RFFL: variants seen among roughly 807,000 people sequenced by gnomAD.
RFFL encodes the protein E3 ubiquitin-protein ligase rififylin.
Under a neutral mutation model 40.4 loss-of-function variants are expected in RFFL, and 16 were observed. That is an observed-to-expected ratio of 0.40 (90% confidence interval 0.27 to 0.60). RFFL has a LOEUF of 0.60. Ranked by LOEUF, RFFL falls within the 20% of genes least tolerant of loss-of-function variation. RFFL has a pLI of 0.47. For synonymous variants in RFFL, 154 were observed against 167.9 expected (o/e 0.92, Z 0.64); for missense variants, 367 against 451.7 (o/e 0.81, Z 1.70).
intron 1 of RFFL, among the ~76,000 whole-genome samples, chr17:35,078,243 C>T (rs1680529): frequency 0.66 from 99,585 of 151,908 alleles, 33,988 homozygotes; most frequent in African/African-American, 0.85. Context: ...CTAAAGACTT[C>T]AGGAATAAAA....
intron 1 of RFFL, among the ~76,000 whole-genome samples, chr17:35,061,384 G>A (rs766437948): frequency 3.3e-5 from 5 of 152,138 alleles, no homozygotes; most frequent in Admixed American, 1.3e-4. Flanking sequence ...GGTGGTATCC[G>A]TAATCTTTGA....
chr17:35,033,867 G>A (rs915218491), intron 1 of RFFL, among the ~76,000 whole-genome samples: 1 of 151,784 alleles, frequency 6.6e-6, no homozygotes, highest in Non-Finnish European at 1.5e-5. Flanking sequence ...AATAGGCCAG[G>A]CACAGTGGCT....
At chr17:35,019,548 AT>A (rs1351744160) in intron 3 of RFFL, among the ~76,000 whole-genome samples, 1 of 151,342 alleles carries the variant, frequency 6.6e-6, no homozygotes, top group Non-Finnish European at 1.5e-5. Flanking sequence ...TAATTTTTGT[AT>A]TTTTTGTAGA....
chr17:35,046,129 A>T (rs149120996), intron 1 of RFFL, among the ~76,000 whole-genome samples: 2 of 152,180 alleles, frequency 1.3e-5, no homozygotes, highest in African/African-American at 4.8e-5. Context: ...CTTGAACGAA[A>T]GACTGAAGAG....
chr17:35,031,104 G>A (rs1358302076), intron 1 of RFFL, among the ~76,000 whole-genome samples: 1 of 151,946 alleles, frequency 6.6e-6, no homozygotes, highest in Non-Finnish European at 1.5e-5. Context: ...AAGGTTGTAG[G>A]CAATTCACTA....
At chr17:35,054,173 C>T (rs2091246841) in intron 1 of RFFL, among the ~76,000 whole-genome samples, 1 of 152,208 alleles carries the variant, frequency 6.6e-6, no homozygotes, top group African/African-American at 2.4e-5. Flanking sequence ...TTCAATCAAG[C>T]ACTATAGTGA....
At chr17:35,077,823 A>T (rs7216074) in intron 1 of RFFL, among the ~76,000 whole-genome samples, 1 of 152,092 alleles carries the variant, frequency 6.6e-6, no homozygotes, top group Non-Finnish European at 1.5e-5. Flanking sequence ...TTCTTCTTCC[A>T]ATGTGGCCCA....
chr17:35,055,815 T>A (rs368442212), intron 1 of RFFL, among the ~76,000 whole-genome samples: 1 of 152,178 alleles, frequency 6.6e-6, no homozygotes, highest in African/African-American at 2.4e-5. Context: ...ATCTCTGACA[T>A]TAGAAGCATA....
At position 35,008,101 on chromosome 17, in the gene RFFL, T is replaced by C. The variant is rs1354800193; in HGVS notation, c.*3867A>G. The C allele has an allele frequency of 2.6e-5, 4 of 152,248 alleles. No homozygotes were observed. Among genetic ancestry groups the C allele is most frequent in the Admixed American group, 2.6e-4 (4 of 15,278 alleles). The allele number at this position is 152,248 out of a possible 1,614,324, so 9.4% of individuals were successfully genotyped here. ...CTACAGCTGTATCCAAAAGGTACCA[T>C]GTATCTCCCAGGGTAACCTGAAGAC... is the stretch of plus-strand genomic sequence containing the variant. On this transcript the variant is annotated 3_prime_UTR_variant, in exon 7 of 7. Coordinates refer to ENST00000394597, the MANE Select transcript of RFFL (RefSeq NM_001017368.2).
At chr17:35,063,220 C>G (rs2091303397) in intron 1 of RFFL, among the ~76,000 whole-genome samples, 1 of 152,010 alleles carries the variant, frequency 6.6e-6, no homozygotes, top group East Asian at 1.9e-4. Flanking sequence ...CTTTGGGAGG[C>G]TGAGGAGGGT....
intron 1 of RFFL, among the ~76,000 whole-genome samples, chr17:35,060,810 C>T (rs1226109923): frequency 6.6e-6 from 1 of 152,184 alleles, no homozygotes; most frequent in African/African-American, 2.4e-5. Context: ...CAGCCACTCT[C>T]TCTGATGGTG....
In RFFL at chr17:35,006,792, T is replaced by C. The variant is rs2090898035; in HGVS notation, c.*5176A>G. 1 of 151,136 alleles carries C rather than the reference T, an allele frequency of 6.6e-6. No homozygotes were observed. Among genetic ancestry groups the C allele is most frequent in the South Asian group, 2.1e-4 (1 of 4,774 alleles). 9.4% of individuals were successfully genotyped at this position (151,136 alleles called of 1,614,324 possible). ...CTGGACCTATAAGATCAAGGACCAC[T>C]GCGCCCCCTGGCCACCCCACCGCCC... is the stretch of plus-strand genomic sequence containing the variant. On this transcript the variant is annotated 3_prime_UTR_variant, in exon 7 of 7. Coordinates refer to ENST00000394597, the MANE Select transcript of RFFL (RefSeq NM_001017368.2).
At chr17:35,075,447 G>T (rs1021868211) in intron 1 of RFFL, among the ~76,000 whole-genome samples, 13 of 152,080 alleles carry the variant, frequency 8.5e-5, no homozygotes. Flanking sequence ...TTGTCCAAAG[G>T]CCCCCATATA....
At chr17:35,056,904 CT>C (rs869118839) in intron 1 of RFFL, among the ~76,000 whole-genome samples, 48 of 146,280 alleles carry the variant, frequency 3.3e-4, no homozygotes, top group East Asian at 1.6e-3. Flanking sequence ...TCCCACCACC[CT>C]TTTTTTTTTT....
At chr17:35,054,909 C>T (rs182558003) in intron 1 of RFFL, among the ~76,000 whole-genome samples, 10 of 151,558 alleles carry the variant, frequency 6.6e-5, no homozygotes, top group Middle Eastern at 3.4e-3. Flanking sequence ...TAGTAAACAC[C>T]GATCCAACAG....
chr17:35,035,695 A>G (rs560166381), intron 1 of RFFL, among the ~76,000 whole-genome samples: 1 of 149,214 alleles, frequency 6.7e-6, no homozygotes, highest in African/African-American at 2.4e-5. Context: ...ATATATATGT[A>G]TATATATATA....
intron 1 of RFFL, among the ~76,000 whole-genome samples, chr17:35,029,754 A>G (rs1212374822): frequency 6.6e-6 from 1 of 151,348 alleles, no homozygotes; most frequent in Non-Finnish European, 1.5e-5. Flanking sequence ...GGTTAGTTAC[A>G]TATGTATATA....
Position 35,026,404 on chromosome 17 carries a change from A to G in RFFL, c.150T>C (p.Cys50=). The change falls in exon 2 of 7, where the codon TGT becomes TGC. Residue 50 remains cysteine, a synonymous_variant. Coordinates refer to ENST00000394597, the MANE Select transcript of RFFL (RefSeq NM_001017368.2). The stretch of plus-strand genomic sequence containing the variant: ...TGGCCGTGTTTGCAAAGTGAGCCCC[A>G]CAGGACTTGCAGCTTGGTTCCAAGC... ...PTGLEPSCKS[C]GAHFANTARK... The G allele has an allele frequency of 6.2e-7, 1 of 1,613,960 alleles. No individual in the cohort carries two copies. The highest frequency in any genetic ancestry group is 8.5e-7 in the Non-Finnish European group (1 of 1,179,928).
At chr17:35,030,493 G>C (rs998538972) in intron 1 of RFFL, among the ~76,000 whole-genome samples, 1 of 151,948 alleles carries the variant, frequency 6.6e-6, no homozygotes, top group African/African-American at 2.4e-5. Flanking sequence ...AGTAGAGATG[G>C]GGTTTCACCA....
Sources: allele counts gnomAD v4.1 joint callset (sites outside exome capture counted in the v4.1 genomes callset), GRCh38; gene constraint gnomAD v4.1.1; transcripts MANE v1.5; gene names NCBI Gene and HGNC (gene_info 2026-07-23, HGNC 2026-07-21).